Variants in TPGS1 observed in about 807,000 individuals in gnomAD.
TPGS1 encodes the protein tubulin polyglutamylase complex subunit 1.
TPGS1 carries 18 observed loss-of-function variants against 11.9 expected under a neutral mutation model. The observed-to-expected ratio is 1.51, with a 90% CI of 1.04 to 2.24. The LOEUF is 2.24. TPGS1 is among the 30% of genes most tolerant of loss of function. The pLI, the probability that TPGS1 is intolerant of heterozygous loss-of-function variation, is 0.00. For synonymous variants in TPGS1, 247 were observed against 218.2 expected (o/e 1.13, Z -1.16); for missense variants, 500 against 443.0 (o/e 1.13, Z -1.16).
chr19:510,847 C>A (rs551448440), intron 1 of TPGS1, among the ~76,000 whole-genome samples: 30 of 152,344 alleles, frequency 2.0e-4, no homozygotes, highest in African/African-American at 6.7e-4. Flanking sequence ...CCCGACTCGT[C>A]CTCTGGGGGC....
chr19:507,606 A>G lies in TPGS1; in HGVS notation c.100A>G (p.Ser34Gly). Reference protein sequence around the residue: ...SVSRAAGAAESEEDFLRQVGV... With the variant: ...SVSRAAGAAEGEEDFLRQVGV... ...ATCCCGGGCGGCGGGGGCGGCCGAG[A>G]GCGAGGAGGACTTCCTGCGGCAGGT... Residue 34 changes from serine to glycine, a missense_variant, in exon 1 of 2, where the codon AGC becomes GGC. Coordinates refer to ENST00000359315, the MANE Select transcript of TPGS1 (RefSeq NM_033513.3). 1 of 1,399,202 alleles carries G rather than the reference A, an allele frequency of 7.1e-7. No individual in the cohort carries two copies. The highest frequency in any genetic ancestry group is 1.5e-5 in the African/African-American group (1 of 66,988). 86.7% of individuals were successfully genotyped at this position (1,399,202 alleles called of 1,614,324 possible). A position where few individuals can be genotyped will look rare whatever the true frequency, so the allele number is the denominator to read the frequency against.
intron 1 of TPGS1, chr19:509,859 G>T (rs1283369410): frequency 2.0e-5 from 3 of 152,546 alleles, no homozygotes; most frequent in Admixed American, 1.3e-4. Flanking sequence ...TCAGGGCAAG[G>T]GTGGTGCTGG....
chr19:514,103 T>G (rs1011565613), intron 1 of TPGS1, among the ~76,000 whole-genome samples: 11 of 145,258 alleles, frequency 7.6e-5, no homozygotes, highest in African/African-American at 2.6e-4. Context: ...GTACCAGCCC[T>G]GCATTCACTA....
chr19:517,231 G>A (rs1278360952), intron 1 of TPGS1, among the ~76,000 whole-genome samples: 1 of 149,168 alleles, frequency 6.7e-6, no homozygotes, highest in Non-Finnish European at 1.5e-5. Flanking sequence ...CGACATTTGA[G>A]GAGAGACCTG....
intron 1 of TPGS1, among the ~76,000 whole-genome samples, chr19:510,661 G>A (rs918747691): frequency 6.6e-6 from 1 of 152,204 alleles, no homozygotes; most frequent in African/African-American, 2.4e-5. Context: ...CTTGCTGAAG[G>A]CCACACGGCC....
At chr19:509,292 A>G (rs1332094937) in intron 1 of TPGS1, 2 of 152,372 alleles carry the variant, frequency 1.3e-5, no homozygotes, top group East Asian at 3.9e-4. Context: ...AGAATCTCCC[A>G]AGGAGGAAAA....
intron 1 of TPGS1, among the ~76,000 whole-genome samples, chr19:513,725 A>G (rs1188573100): frequency 6.7e-6 from 1 of 149,330 alleles, no homozygotes; most frequent in Non-Finnish European, 1.5e-5. Context: ...TACCTACTGC[A>G]CACCAGCCCA....
rs1979062438 is a variant in TPGS1, at chr19:519,031, GT to G, written c.482del (p.Val161GlyfsTer18). The part of the protein sequence containing the change: ...CRDGQAPEEV[V>X]APLLRKVQCR... ...GGACGGCCAAGCCCCCGAGGAGGTG[GT>G]GGCGCCGCTGCTGCGCAAGGTGCAG... On this transcript the variant is annotated frameshift_variant, in exon 2 of 2. Transcript: ENST00000359315. LOFTEE classifies it high-confidence loss of function. The G allele has an allele frequency of 6.4e-7, 1 of 1,556,526 alleles. No individual in the cohort carries two copies. The highest frequency in any genetic ancestry group is 1.4e-5 in the African/African-American group (1 of 73,752).
In TPGS1 at chr19:507,577, C is replaced by T. The variant is rs760664778; in HGVS notation, c.71C>T (p.Ser24Leu). The T allele has an allele frequency of 2.6e-5, 36 of 1,394,620 alleles. No individual in the cohort carries two copies. In the South Asian group the frequency reaches 4.8e-4, roughly 18 times the overall value. 86.4% of individuals were successfully genotyped at this position (1,394,620 alleles called of 1,614,324 possible). ...PAGFTDSGRQSVSRAAGAAES... is the reference protein window; with the variant it reads ...PAGFTDSGRQLVSRAAGAAES... ...GGTTTCACGGACAGCGGCCGCCAGT[C>T]GGTATCCCGGGCGGCGGGGGCGGCC... The change falls in exon 1 of 2, where the codon TCG becomes TTG. Residue 24 changes from serine (S) to leucine (L), a missense_variant. By Grantham distance (145) the Ser-to-Leu change is moderately radical (BLOSUM62 -2). Transcript: ENST00000359315.
rs2145836509 is a variant in TPGS1, at chr19:519,224, T to C, written c.674T>C (p.Leu225Pro). Residue 225 changes from leucine to proline, a missense_variant, in exon 2 of 2, where the codon CTG (leucine) becomes CCG (proline). Physicochemically the swap from Leu to Pro is moderately conservative, Grantham distance 98. Transcript: ENST00000359315. ...GTGGGCCAGGCCGTGCTGGACACCC[T>C]GGAGGGCGCGCTGCAGGCCAGCGAC... is the stretch of plus-strand genomic sequence containing the variant. ...RRVGQAVLDTLEGALQASDAA... is the reference protein window; with the variant it reads ...RRVGQAVLDTPEGALQASDAA... The C allele has an allele frequency of 2.2e-6, 3 of 1,360,806 alleles. No individual in the cohort carries two copies. Among genetic ancestry groups the C allele is most frequent in the South Asian group, 1.7e-5 (1 of 58,380 alleles). The allele number at this position is 1,360,806 out of a possible 1,614,324, so 84.3% of individuals were successfully genotyped here.
chr19:507,587 G>A lies in TPGS1; in HGVS notation c.81G>A (p.Arg27=). 7.1e-7 allele frequency: 1 copy of A among 1,398,706 alleles called. No homozygotes were observed. Among genetic ancestry groups the A allele is most frequent in the Admixed American group, 3.4e-5 (1 of 29,764 alleles). The allele number at this position is 1,398,706 out of a possible 1,614,324, so 86.6% of individuals were successfully genotyped here. A position where few individuals can be genotyped will look rare whatever the true frequency, so the allele number is the denominator to read the frequency against. The change falls in exon 1 of 2, where the codon CGG becomes CGA. Residue 27 remains arginine, a synonymous_variant. Coordinates refer to ENST00000359315, the MANE Select transcript of TPGS1 (RefSeq NM_033513.3). ...ACAGCGGCCGCCAGTCGGTATCCCG[G>A]GCGGCGGGGGCGGCCGAGAGCGAGG... is the stretch of plus-strand genomic sequence containing the variant. ...FTDSGRQSVS[R]AAGAAESEED... is the part of the protein sequence containing the mutation.
rs1175343686 is a variant in TPGS1, at chr19:518,961, G to C, written c.411G>C (p.Gly137=). ...CCGGCGGGCGCAGGAAGAGGCCGGG[G>C]CTGGACGGGCGCACCTACAGCGAGC... The part of the protein sequence containing the change: ...LSAGGRRKRP[G]LDGRTYSELL... Residue 137 remains glycine (G), a synonymous_variant, in exon 2 of 2, where the codon GGG becomes GGC. Transcript: ENST00000359315. 1 of 1,587,446 alleles carries C rather than the reference G, an allele frequency of 6.3e-7. No homozygotes were observed. The highest frequency in any genetic ancestry group is 1.7e-5 in the Admixed American group (1 of 58,848).
At chr19:518,494 C>CT (rs1979035865) in intron 1 of TPGS1, among the ~76,000 whole-genome samples, 1 of 51,640 alleles carries the variant, frequency 1.9e-5, no homozygotes, top group African/African-American at 8.2e-5. Flanking sequence ...GAGGCCTGGG[C>CT]TGGAGATGCT....
At chr19:515,037 C>T (rs1421432459) in intron 1 of TPGS1, among the ~76,000 whole-genome samples, 1 of 152,214 alleles carries the variant, frequency 6.6e-6, no homozygotes, top group East Asian at 1.9e-4. Flanking sequence ...TGTAAGGGGC[C>T]AGATAGTGAA....
intron 1 of TPGS1, chr19:510,170 G>T (rs987277722): frequency 1.3e-5 from 2 of 152,024 alleles, no homozygotes; most frequent in African/African-American, 2.4e-5. Flanking sequence ...TCAGGAGATC[G>T]AGACCATCCT....
chr19:510,845 GT>G (rs1978773822), intron 1 of TPGS1, among the ~76,000 whole-genome samples: 1 of 152,212 alleles, frequency 6.6e-6, no homozygotes. Flanking sequence ...CCCCCGACTC[GT>G]CCTCTGGGGG....
At chr19:512,150 C>T (rs1352382923) in intron 1 of TPGS1, among the ~76,000 whole-genome samples, 1 of 152,076 alleles carries the variant, frequency 6.6e-6, no homozygotes, top group African/African-American at 2.4e-5. Context: ...GGATTACAGG[C>T]ATAAGCCACT....
At chr19:518,365 AG>A (rs1477404105) in intron 1 of TPGS1, among the ~76,000 whole-genome samples, 2 of 9,780 alleles carry the variant, frequency 2.0e-4, no homozygotes, top group Non-Finnish European at 3.6e-4. Context: ...GGGGAGGCCC[AG>A]GTTGAGTAGG....
rs1199610913 is a variant in TPGS1, at chr19:507,766, C to T, written c.260C>T (p.Pro87Leu). ...CCTGTAAACGGCGGCGCCGGGGAGC[C>T]CCCGGGCCAGCTCCTGCTGCAGCAG... ...RSPVNGGAGEPPGQLLLQQQR... is the reference protein window; with the variant it reads ...RSPVNGGAGELPGQLLLQQQR... The change falls in exon 1 of 2, where the codon CCC becomes CTC. Residue 87 changes from proline (P) to leucine (L), a missense_variant. Coordinates refer to ENST00000359315, the MANE Select transcript of TPGS1 (RefSeq NM_033513.3). 2.2e-6 allele frequency: 3 copies of T among 1,393,500 alleles called. No homozygotes were observed. Among genetic ancestry groups the T allele is most frequent in the South Asian group, 1.6e-5 (1 of 63,422 alleles). The allele number at this position is 1,393,500 out of a possible 1,614,324, so 86.3% of individuals were successfully genotyped here.
Sources: allele counts gnomAD v4.1 joint callset (sites outside exome capture counted in the v4.1 genomes callset), GRCh38; gene constraint gnomAD v4.1.1; transcripts MANE v1.5; gene names NCBI Gene and HGNC (gene_info 2026-07-23, HGNC 2026-07-21).